The following PCDH7 variants were observed in gnomAD, a reference collection of about 807,000 sequenced individuals.
PCDH7 encodes the protein protocadherin-7.
A neutral mutation model predicts 58.9 loss-of-function variants in PCDH7; 17 were observed. The observed-to-expected ratio is 0.29, with a 90% CI of 0.20 to 0.43. PCDH7 has a LOEUF of 0.43. PCDH7 is among the 20% of genes least tolerant of loss of function. PCDH7 has a pLI of 1.00. For missense variants in PCDH7, 1,274 were observed against 1,441.0 expected (o/e 0.88, Z 1.88); for synonymous variants, 664 against 616.4 (o/e 1.08, Z -1.14).
At chr4:30,968,376 C>CTATAGATATATATATA (rs1749219548) in intron 3 of PCDH7, among the ~76,000 whole-genome samples, 1 of 67,066 alleles carries the variant, frequency 1.5e-5, no homozygotes, top group Non-Finnish European at 2.7e-5. Context: ...TATACACACA[C>CTATAGATATATATATA]TATATATATA....
chr4:31,097,430 C>T (rs916918160), intron 3 of PCDH7, among the ~76,000 whole-genome samples: 1 of 145,160 alleles, frequency 6.9e-6, no homozygotes, highest in Non-Finnish European at 1.5e-5. Context: ...CTCCAGCCTG[C>T]GTTGTAGAGT....
In PCDH7 at chr4:30,871,606, C is replaced by T. The variant is rs190170982; in HGVS notation, c.71-48547C>T. 7.1e-4 allele frequency among the ~76,000 whole-genome samples: 108 copies of T among 152,198 alleles called. 1 individual carries two copies. Among genetic ancestry groups the T allele is most frequent in the Admixed American group, 7.1e-3 (108 of 15,264 alleles). On this transcript the variant is annotated intron_variant, in intron 1 of 3. Transcript: ENST00000509759. ...AAAGTGTCGATGATCAGCTGGTAACCTCTGCTAACTGTTCAAAATGAGTAA... is the reference window on the plus strand; with the variant it reads ...AAAGTGTCGATGATCAGCTGGTAACTTCTGCTAACTGTTCAAAATGAGTAA...
At chr4:30,952,028 A>G (rs747445482) in intron 3 of PCDH7, among the ~76,000 whole-genome samples, 7 of 152,114 alleles carry the variant, frequency 4.6e-5, no homozygotes, top group African/African-American at 7.2e-5. Flanking sequence ...CCCTTCACCC[A>G]TACTTCTCTC....
intron 1 of PCDH7, among the ~76,000 whole-genome samples, chr4:30,897,018 C>T (rs1462099359): frequency 6.8e-6 from 1 of 148,146 alleles, no homozygotes; most frequent in Non-Finnish European, 1.5e-5. Context: ...CATTCTCCTG[C>T]CTCAGCCTCC....
chr4:31,042,171 T>C (rs1447389342), intron 3 of PCDH7, among the ~76,000 whole-genome samples: 1 of 152,202 alleles, frequency 6.6e-6, no homozygotes, highest in Non-Finnish European at 1.5e-5. Context: ...GTTTCAAGGC[T>C]TGATTTTTAT....
intron 3 of PCDH7, among the ~76,000 whole-genome samples, chr4:31,112,149 T>C (rs914594909): frequency 6.6e-6 from 1 of 152,226 alleles, no homozygotes; most frequent in African/African-American, 2.4e-5. Flanking sequence ...TTTTATATAC[T>C]AACTTGCCAC....
At chr4:30,766,686 G>T (rs1560347703) in intron 1 of PCDH7, among the ~76,000 whole-genome samples, 3 of 151,892 alleles carry the variant, frequency 2.0e-5, no homozygotes, top group South Asian at 4.1e-4. Context: ...GTGTATATGT[G>T]TCAGTAAGAC....
At chr4:31,040,528 A>C (rs1755773178) in intron 3 of PCDH7, among the ~76,000 whole-genome samples, 1 of 152,346 alleles carries the variant, frequency 6.6e-6, no homozygotes, top group Middle Eastern at 3.4e-3. Context: ...ATGTTGTATC[A>C]GTTGAAATAA....
intron 1 of PCDH7, among the ~76,000 whole-genome samples, chr4:30,847,296 GA>G (rs1327265131): frequency 6.6e-6 from 1 of 152,168 alleles, no homozygotes; most frequent in Non-Finnish European, 1.5e-5. Flanking sequence ...ATGTGTGAGT[GA>G]GAATCCACTA....
intron 1 of PCDH7, among the ~76,000 whole-genome samples, chr4:30,874,657 T>A (rs190950801): frequency 0.019 from 2,814 of 151,602 alleles, 44 homozygotes; most frequent in South Asian, 0.039. Context: ...AACCTGCACA[T>A]TGTGCACATG....
intron 1 of PCDH7, among the ~76,000 whole-genome samples, chr4:30,881,143 G>A (rs889611870): frequency 6.6e-6 from 1 of 152,060 alleles, no homozygotes; most frequent in Non-Finnish European, 1.5e-5. Flanking sequence ...ACTCTGGCAA[G>A]GTAAATGGGG....
chr4:30,770,171 T>C (rs926608908), intron 1 of PCDH7, among the ~76,000 whole-genome samples: 2 of 152,218 alleles, frequency 1.3e-5, no homozygotes, highest in African/African-American at 4.8e-5. Flanking sequence ...AACAGCTTTC[T>C]CCACTTGCAG....
At chr4:31,051,684 C>G (rs1002534518) in intron 3 of PCDH7, among the ~76,000 whole-genome samples, 3 of 151,994 alleles carry the variant, frequency 2.0e-5, no homozygotes, top group Non-Finnish European at 4.4e-5. Context: ...TAATGGGTAG[C>G]AGCAGACCTT....
intron 1 of PCDH7, chr4:30,794,026 A>G (rs1724472008): frequency 6.6e-6 from 1 of 152,146 alleles, no homozygotes; most frequent in African/African-American, 2.4e-5. Flanking sequence ...CAGGACATAA[A>G]AGAATTCTCT....
Position 30,723,231 on chromosome 4 carries a change from C to T in PCDH7, c.1809C>T (p.Asp603=). The change falls in exon 1 of 2, where the codon GAC becomes GAT. Residue 603 remains aspartate (D), a synonymous_variant. Coordinates refer to ENST00000361762, the Ensembl canonical transcript of PCDH7. This position sits in a 1 kb window ranked among gnomAD's most constrained non-coding sequence, Gnocchi z 4.6. ...CCGTGCTGGACCGCGAGCAGACTGACAGGTATGAGTTTAAAGTTAACGCCA... is the reference window on the plus strand; with the variant it reads ...CCGTGCTGGACCGCGAGCAGACTGATAGGTATGAGTTTAAAGTTAACGCCA... 1 of 1,614,204 alleles carries T rather than the reference C, an allele frequency of 6.2e-7. No homozygotes were observed. Among genetic ancestry groups the T allele is most frequent in the Non-Finnish European group, 8.5e-7 (1 of 1,180,044 alleles).
chr4:30,993,027 C>T (rs1237660962), intron 3 of PCDH7, among the ~76,000 whole-genome samples: 1 of 151,962 alleles, frequency 6.6e-6, no homozygotes, highest in Non-Finnish European at 1.5e-5. Context: ...TCGAACTCCT[C>T]ACCTCAGGTG....
At chr4:31,099,029 C>T (rs951625304) in intron 3 of PCDH7, among the ~76,000 whole-genome samples, 1 of 152,154 alleles carries the variant, frequency 6.6e-6, no homozygotes. Context: ...CTCATTTTAC[C>T]TTAATCACCT....
chr4:31,070,679 C>A (rs1221627494), intron 3 of PCDH7, among the ~76,000 whole-genome samples: 2 of 152,070 alleles, frequency 1.3e-5, no homozygotes, highest in Non-Finnish European at 2.9e-5. Context: ...GGAAATATTT[C>A]TTCCCAAATA....
chr4:30,974,145 G>A (rs1334635766), intron 3 of PCDH7, among the ~76,000 whole-genome samples: 1 of 150,792 alleles, frequency 6.6e-6, no homozygotes, highest in African/African-American at 2.4e-5. Flanking sequence ...TGGTGTTGCA[G>A]TTCTTTCTTT....
Sources: gnomAD v4.1 joint callset for allele counts (sites outside exome capture counted in the v4.1 genomes callset) on GRCh38, gnomAD v4.1.1 for gene constraint, Gnocchi (gnomAD v3.1) non-coding constraint, MANE v1.5 for transcripts, NCBI Gene and HGNC (gene_info 2026-07-23, HGNC 2026-07-21) for gene names.